Variants in GDA observed in about 807,000 individuals in gnomAD.
The protein encoded by GDA is cytoplasmic PSD-95 interactor.
Under a neutral mutation model 59.6 loss-of-function variants are expected in GDA, and 18 were observed. The ratio of observed to expected loss-of-function variants is 0.30; its 90% CI spans 0.21 to 0.45. The LOEUF is 0.45. Ranked by LOEUF, GDA falls within the 20% of genes least tolerant of loss-of-function variation. The probability of loss-of-function intolerance (pLI) is 1.00; values close to 1 mark genes in which losing one functional copy is unlikely to be tolerated. For synonymous variants in GDA, 201 were observed against 201.1 expected (o/e 1.00, Z 0.00); for missense variants, 427 against 552.3 (o/e 0.77, Z 2.27).
chr9:72,116,967 A>T (rs1825475128), intron 1 of GDA, among the ~76,000 whole-genome samples: 1 of 127,912 alleles, frequency 7.8e-6, no homozygotes, highest in Non-Finnish European at 1.6e-5. Context: ...GATGTTCCCC[A>T]TCCTGTGTCC....
intron 10 of GDA, among the ~76,000 whole-genome samples, chr9:72,239,753 G>A (rs942469842): frequency 6.6e-5 from 10 of 151,966 alleles, no homozygotes; most frequent in Admixed American, 1.3e-4. Flanking sequence ...AAGATTTAAG[G>A]GATGGTTACT....
intron 1 of GDA, among the ~76,000 whole-genome samples, chr9:72,152,607 C>T (rs563548305): frequency 6.6e-6 from 1 of 152,060 alleles, no homozygotes; most frequent in Non-Finnish European, 1.5e-5. Context: ...AGTGTCTGTT[C>T]ATATCCTTTG....
intron 1 of GDA, among the ~76,000 whole-genome samples, chr9:72,136,885 G>A (rs1826244381): frequency 1.3e-5 from 2 of 152,128 alleles, no homozygotes; most frequent in African/African-American, 4.8e-5. Context: ...TGAGGCAGGA[G>A]AATGGCGTGA....
chr9:72,161,289 G>A (rs148024767), intron 1 of GDA, among the ~76,000 whole-genome samples: 5 of 152,232 alleles, frequency 3.3e-5, no homozygotes, highest in African/African-American at 9.6e-5. Flanking sequence ...TTGAAGGCAG[G>A]TTCACAACTT....
chr9:72,210,861 G>T, intron 4 of GDA, 87 bp downstream of exon 4: 1 of 811,044 alleles, frequency 1.2e-6, no homozygotes, highest in Non-Finnish European at 2.1e-6. Flanking sequence ...CTTTTGGGCA[G>T]ACCTGCCTTT....
At chr9:72,179,116 A>G (rs867146389) in intron 1 of GDA, among the ~76,000 whole-genome samples, 14 of 152,184 alleles carry the variant, frequency 9.2e-5, no homozygotes, top group African/African-American at 3.1e-4. Flanking sequence ...TTAAGTAGGA[A>G]TATATAGCAG....
intron 1 of GDA, among the ~76,000 whole-genome samples, chr9:72,168,359 C>CT (rs1284274917): frequency 6.7e-6 from 1 of 150,156 alleles, no homozygotes; most frequent in East Asian, 2.0e-4. Flanking sequence ...CACCACTGCA[C>CT]TCCAAACTGG....
chr9:72,235,634 T>C (rs1271087354), intron 10 of GDA, among the ~76,000 whole-genome samples: 2 of 151,812 alleles, frequency 1.3e-5, no homozygotes, highest in East Asian at 1.9e-4. Flanking sequence ...GAGGTGAAGG[T>C]TGCAGTGAGC....
At chr9:72,185,273 C>T (rs746265220) in intron 1 of GDA, among the ~76,000 whole-genome samples, 13 of 152,154 alleles carry the variant, frequency 8.5e-5, no homozygotes, top group Non-Finnish European at 1.6e-4. Flanking sequence ...GGAAGAATCT[C>T]GGAAGACATG....
Position 72,213,876 on chromosome 9 carries a change from T to A in GDA, c.473-10T>A. 6.8e-7 allele frequency: 1 copy of A among 1,468,308 alleles called. No homozygotes were observed. Among genetic ancestry groups the A allele is most frequent in the South Asian group, 1.1e-5 (1 of 88,192 alleles). The allele number at this position is 1,468,308 out of a possible 1,614,324, so 91.0% of individuals were successfully genotyped here. A position where few individuals can be genotyped will look rare whatever the true frequency, so the allele number is the denominator to read the frequency against. ...CATGCCTTCATATTCTTTTTGTGTA[T>A]ACTTTACAGATAAATTTGGACAGCG... On this transcript the variant is annotated splice_polypyrimidine_tract_variant and intron_variant, in intron 4 of 13. Coordinates refer to ENST00000358399, the MANE Select transcript of GDA (RefSeq NM_004293.5).
rs1221458437 is a variant in GDA, at chr9:72,221,683, AT to A, written c.607-1432del. On this transcript the variant is annotated intron_variant, in intron 6 of 13. Transcript: ENST00000358399. ...GTATTAAGCCTACTACCCATTAGTT[AT>A]TTTTCCTGATGCTCTCCCTCCTTCC... Among the ~76,000 whole-genome samples, 3 of 152,066 alleles carry A rather than the reference AT, an allele frequency of 2.0e-5. No homozygotes were observed. The South Asian group carries it at 6.2e-4, about 32-fold the overall frequency.
downstream of GDA, among the ~76,000 whole-genome samples, chr9:72,255,715 T>C (rs1840868403): frequency 6.6e-6 from 1 of 152,212 alleles, no homozygotes; most frequent in East Asian, 1.9e-4. Context: ...AATGGCATGC[T>C]ATCCATCCCG....
At chr9:72,124,041 A>G (rs1329956564) in intron 1 of GDA, among the ~76,000 whole-genome samples, 9 of 152,206 alleles carry the variant, frequency 5.9e-5, no homozygotes, top group East Asian at 1.9e-4. Flanking sequence ...GTATTGTACC[A>G]TAGTTTTGCA....
chr9:72,129,434 C>G (rs1428971180), intron 1 of GDA, among the ~76,000 whole-genome samples: 2 of 152,242 alleles, frequency 1.3e-5, no homozygotes, highest in Non-Finnish European at 2.9e-5. Flanking sequence ...CTCACTCCAC[C>G]TCCAGACCCG....
At chr9:72,166,418 T>TGGGGTG (rs1829319290) in intron 1 of GDA, among the ~76,000 whole-genome samples, 1 of 9,054 alleles carries the variant, frequency 1.1e-4, no homozygotes, top group Non-Finnish European at 2.0e-4. Flanking sequence ...GATGTGTGGG[T>TGGGGTG]GGGGTGGGGG....
intron 1 of GDA, among the ~76,000 whole-genome samples, chr9:72,123,224 C>T (rs1825727494): frequency 7.0e-6 from 1 of 143,168 alleles, no homozygotes; most frequent in Non-Finnish European, 1.5e-5. Context: ...TGCTCTGTTG[C>T]CCAGGCTGGA....
rs759576860 is a variant in GDA, at chr9:72,251,768, G to A, written c.*3426G>A. ...TTAGAAAATCCTAACATTGGTCTCC[G>A]TGCATGTGTTCACACCTGGTCTCAC... On this transcript the variant is annotated 3_prime_UTR_variant, in exon 14 of 14. Coordinates refer to ENST00000358399, the MANE Select transcript of GDA (RefSeq NM_004293.5). 7.2e-5 allele frequency: 11 copies of A among 152,156 alleles called. No homozygotes were observed. Among genetic ancestry groups the A allele is most frequent in the East Asian group, 5.8e-4 (3 of 5,180 alleles). The allele number at this position is 152,156 out of a possible 1,614,324, so 9.4% of individuals were successfully genotyped here.
chr9:72,234,274 C>G (rs185471670), intron 10 of GDA, among the ~76,000 whole-genome samples: 23 of 152,130 alleles, frequency 1.5e-4, no homozygotes, highest in Non-Finnish European at 2.9e-4. Context: ...GGGGAATTGA[C>G]AGGAAAAGGC....
intron 1 of GDA, among the ~76,000 whole-genome samples, chr9:72,174,761 TAG>T (rs903544285): frequency 3.0e-4 from 43 of 145,514 alleles, no homozygotes; most frequent in Admixed American, 4.8e-4. Context: ...TATATATATA[TAG>T]AGAGAGAGAG....
Sources: gnomAD v4.1 joint callset for allele counts (sites outside exome capture counted in the v4.1 genomes callset) on GRCh38, gnomAD v4.1.1 for gene constraint, MANE v1.5 for transcripts, NCBI Gene and HGNC (gene_info 2026-07-23, HGNC 2026-07-21) for gene names.